SUMF1: variants seen among roughly 807,000 people sequenced by gnomAD.
SUMF1 encodes the protein formylglycine-generating enzyme.
A neutral mutation model predicts 47.6 loss-of-function variants in SUMF1; 48 were observed. The observed-to-expected ratio is 1.01, with a 90% CI of 0.80 to 1.28. The LOEUF (loss-of-function observed/expected upper bound fraction) is 1.28, where lower values mean the gene tolerates loss of function less well. SUMF1 is among the 50% of genes most tolerant of loss of function. The pLI, the probability that SUMF1 is intolerant of heterozygous loss-of-function variation, is 0.00. For synonymous variants in SUMF1, 230 were observed against 192.1 expected, an observed-to-expected ratio of 1.20 and a Z score of -1.63; for missense variants, 571 against 485.4, an observed-to-expected ratio of 1.18 and a Z score of -1.66.
chr3:4,276,984 G>C (rs553615979), intron 8 of SUMF1, among the ~76,000 whole-genome samples: 13 of 152,284 alleles, frequency 8.5e-5, no homozygotes, highest in African/African-American at 2.4e-4. Context: ...ATGGTGGAAA[G>C]GAAAGAAAGA....
At chr3:4,265,318 G>C (rs1013125299) in intron 8 of SUMF1, among the ~76,000 whole-genome samples, 1 of 152,010 alleles carries the variant, frequency 6.6e-6, no homozygotes, top group Non-Finnish European at 1.5e-5. Context: ...TTAGCTTAGA[G>C]ATCACAAACT....
intron 7 of SUMF1, among the ~76,000 whole-genome samples, chr3:4,401,791 G>T (rs2582340): frequency 1 from 152,318 of 152,318 alleles, 76,159 homozygotes; most frequent in Non-Finnish European, 1. Context: ...ATGGTTCTGT[G>T]ATAAGCCCAA....
At chr3:4,166,804 C>T (rs978857602) in intron 8 of SUMF1, among the ~76,000 whole-genome samples, 1 of 152,062 alleles carries the variant, frequency 6.6e-6, no homozygotes, top group Admixed American at 6.5e-5. Context: ...TCTCTGTTGA[C>T]CCTCAGCTCA....
intron 7 of SUMF1, among the ~76,000 whole-genome samples, chr3:4,381,105 T>A (rs1382416724): frequency 6.6e-6 from 1 of 152,094 alleles, no homozygotes; most frequent in Non-Finnish European, 1.5e-5. Context: ...TCATGCCCAA[T>A]ACATTGACAA....
intron 8 of SUMF1, chr3:4,303,722 G>A: frequency 2.0e-6 from 3 of 1,502,824 alleles, no homozygotes; most frequent in Non-Finnish European, 2.7e-6. Flanking sequence ...ACCTTAGCAA[G>A]GGTGTTGTCC....
intron 8 of SUMF1, among the ~76,000 whole-genome samples, chr3:4,157,517 A>G (rs1694482405): frequency 6.6e-6 from 1 of 151,466 alleles, no homozygotes. Context: ...TTATATCACA[A>G]TATTTTACCC....
rs556087503 is a variant in SUMF1 at position 4,143,253 on chromosome 3, A to G, written c.1015-74508T>C. Among the ~76,000 whole-genome samples, 3 of 152,144 alleles carry G rather than the reference A, an allele frequency of 2.0e-5. 1 individual carries two copies. The South Asian group carries it at 6.2e-4, about 32-fold the overall frequency. The stretch of plus-strand genomic sequence containing the variant: ...TGCCCATTAAATTTAGAGAGATGCT[A>G]AGTGCCAGATTCAAGAACAGACCAG... On this transcript the variant is annotated intron_variant and NMD_transcript_variant, in intron 8 of 12. Transcript: ENST00000448413.
At chr3:4,196,409 A>G (rs1695430930) in intron 8 of SUMF1, among the ~76,000 whole-genome samples, 1 of 152,204 alleles carries the variant, frequency 6.6e-6, no homozygotes, top group Admixed American at 6.5e-5. Context: ...TTTCCTCCCT[A>G]TACCAGACTT....
At chr3:4,290,680 T>C (rs551435238) in intron 8 of SUMF1, among the ~76,000 whole-genome samples, 11 of 152,318 alleles carry the variant, frequency 7.2e-5, no homozygotes, top group African/African-American at 2.6e-4. Flanking sequence ...CTTCTCTAAA[T>C]TTCCATGCTG....
At chr3:4,080,136 T>C (rs1372794159) in intron 8 of SUMF1, among the ~76,000 whole-genome samples, 1 of 152,108 alleles carries the variant, frequency 6.6e-6, no homozygotes, top group East Asian at 1.9e-4. Context: ...CAGCAATTCT[T>C]TACTTCCAGT....
At position 4,439,071 on chromosome 3, in the gene SUMF1, A is replaced by G. The variant is rs956291461; in HGVS notation, c.519+10195T>C. Among the ~76,000 whole-genome samples the G allele has an allele frequency of 7.9e-5, 12 of 152,258 alleles. 1 individual carries two copies. Among genetic ancestry groups the G allele is most frequent in the Non-Finnish European group, 1.6e-4 (11 of 68,048 alleles). On this transcript the variant is annotated intron_variant, in intron 3 of 8. Coordinates refer to ENST00000272902, the MANE Select transcript of SUMF1 (RefSeq NM_182760.4). ...AGAAGAAATGATAATGGACATTAGA[A>G]AACATTTAGAAATAAACAATTACAA...
At position 4,271,665 on chromosome 3, in the gene SUMF1, C is replaced by A. The variant is rs145128536; in HGVS notation, c.1014+104665G>T. Among the ~76,000 whole-genome samples, 299 of 152,204 alleles carry A rather than the reference C, an allele frequency of 2.0e-3. 1 individual carries two copies. The highest frequency in any genetic ancestry group is 3.6e-3 in the Non-Finnish European group (243 of 68,024). ...TCCAGGAGCATGCCAGCATGCCCAG[C>A]TAATTAATTTTATTTTGTAGAGACA... is the stretch of plus-strand genomic sequence containing the variant. On this transcript the variant is annotated intron_variant and NMD_transcript_variant, in intron 8 of 12. Coordinates refer to the SUMF1 transcript ENST00000448413.
intron 8 of SUMF1, among the ~76,000 whole-genome samples, chr3:4,307,297 G>C (rs1019109328): frequency 6.6e-6 from 1 of 152,170 alleles, no homozygotes; most frequent in Non-Finnish European, 1.5e-5. Context: ...ATCGAAAAAT[G>C]CTTCTTGAGC....
chr3:4,136,797 A>G (rs1337833066), intron 8 of SUMF1, among the ~76,000 whole-genome samples: 1 of 151,750 alleles, frequency 6.6e-6, no homozygotes, highest in East Asian at 1.9e-4. Flanking sequence ...CAACCCCATC[A>G]AAAAGTGGGC....
chr3:4,115,620 G>A (rs936821908), intron 8 of SUMF1, among the ~76,000 whole-genome samples: 1 of 152,034 alleles, frequency 6.6e-6, no homozygotes, highest in African/African-American at 2.4e-5. Context: ...CACCCGCATC[G>A]CACCCTCTGC....
intron 8 of SUMF1, among the ~76,000 whole-genome samples, chr3:4,276,192 G>A (rs751312282): frequency 2.0e-5 from 3 of 152,010 alleles, no homozygotes; most frequent in Non-Finnish European, 4.4e-5. Context: ...TATTTTACAG[G>A]GGACAACAGG....
chr3:4,240,395 C>T (rs776735955), intron 8 of SUMF1, among the ~76,000 whole-genome samples: 13 of 152,000 alleles, frequency 8.6e-5, no homozygotes, highest in Middle Eastern at 3.4e-3. Flanking sequence ...TGGTCCTGGG[C>T]GTTTCTTGGA....
chr3:4,279,800 C>A (rs936457743), intron 8 of SUMF1, among the ~76,000 whole-genome samples: 10 of 152,054 alleles, frequency 6.6e-5, no homozygotes, highest in African/African-American at 2.4e-4. Flanking sequence ...ATTTAGGGAA[C>A]CCATTTCCTA....
At chr3:4,095,000 G>A (rs115288884) in intron 8 of SUMF1, among the ~76,000 whole-genome samples, 5 of 152,194 alleles carry the variant, frequency 3.3e-5, no homozygotes, top group African/African-American at 9.6e-5. Flanking sequence ...AATTGGTAGT[G>A]ATGTTATAAA....
Sources: allele counts gnomAD v4.1 joint callset (sites outside exome capture counted in the v4.1 genomes callset), GRCh38; gene constraint gnomAD v4.1.1; transcripts MANE v1.5; gene names NCBI Gene and HGNC (gene_info 2026-07-23, HGNC 2026-07-21).